DGLUCY: variants seen among roughly 807,000 people sequenced by gnomAD.
The protein encoded by DGLUCY is D-glutamate cyclase, mitochondrial.
In DGLUCY, 58 loss-of-function variants were observed where a neutral mutation model predicts 58.5. The observed-to-expected ratio is 0.99, with a 90% CI of 0.80 to 1.23. The LOEUF (loss-of-function observed/expected upper bound fraction) is 1.23, where lower values mean the gene tolerates loss of function less well. Among genes scored for constraint, DGLUCY ranks in the 50% most tolerant of loss-of-function variants. The probability of loss-of-function intolerance (pLI) is 0.00; values close to 1 mark genes in which losing one functional copy is unlikely to be tolerated. For synonymous variants in DGLUCY, 325 were observed against 314.1 expected (o/e 1.03, Z -0.37); for missense variants, 779 against 784.7 (o/e 0.99, Z 0.09).
chr14:91,094,457 G>T (rs1014308373), intron 1 of DGLUCY, among the ~76,000 whole-genome samples: 9 of 150,460 alleles, frequency 6.0e-5, no homozygotes, highest in Non-Finnish European at 1.2e-4. Flanking sequence ...AGCAACTACA[G>T]CCCATGTGGA....
intron 12 of DGLUCY, among the ~76,000 whole-genome samples, chr14:91,213,294 G>T (rs993780088): frequency 6.6e-6 from 1 of 152,048 alleles, no homozygotes; most frequent in African/African-American, 2.4e-5. Flanking sequence ...ACTAAGCCAG[G>T]CGTGTTGGCA....
intron 13 of DGLUCY, among the ~76,000 whole-genome samples, chr14:91,223,276 C>T (rs146667693): frequency 2.0e-5 from 3 of 152,284 alleles, no homozygotes; most frequent in African/African-American, 4.8e-5. Flanking sequence ...CCACTGTATC[C>T]CTGGTTCAGG....
chr14:91,103,837 C>T (rs1029183382), upstream of DGLUCY, among the ~76,000 whole-genome samples: 6 of 151,528 alleles, frequency 4.0e-5, no homozygotes, highest in Non-Finnish European at 8.8e-5. Flanking sequence ...CATATATATA[C>T]ACACACATAC....
intron 2 of DGLUCY, chr14:91,158,831 C>CT (rs1304125904): frequency 0.035 from 4,892 of 138,288 alleles, 90 homozygotes; most frequent in Non-Finnish European, 0.04. Context: ...TAAAACCTAT[C>CT]TTTTTTTTTT....
intron 6 of DGLUCY, chr14:91,175,685 C>T (rs942456794): frequency 4.2e-5 from 16 of 384,612 alleles, no homozygotes; most frequent in Admixed American, 1.1e-4. Context: ...AAGGATCCTT[C>T]CAGAAATCAC....
At chr14:91,084,133 C>G (rs1252899933) in intron 1 of DGLUCY, among the ~76,000 whole-genome samples, 1 of 151,790 alleles carries the variant, frequency 6.6e-6, no homozygotes, top group Admixed American at 6.6e-5. Context: ...GGGCCAAGGC[C>G]TGAGCTCCTG....
chr14:91,166,442 A>G (rs2048286302), intron 3 of DGLUCY, among the ~76,000 whole-genome samples: 2 of 152,140 alleles, frequency 1.3e-5, no homozygotes, highest in African/African-American at 2.4e-5. Flanking sequence ...AGACAGGCAG[A>G]TCACTTGAGC....
intron 1 of DGLUCY, among the ~76,000 whole-genome samples, chr14:91,098,932 T>G (rs1399280563): frequency 1.3e-5 from 2 of 152,152 alleles, no homozygotes; most frequent in African/African-American, 4.8e-5. Context: ...TAGTGGAAAA[T>G]AATGGAATAA....
chr14:91,181,505 A>G (rs985181650), intron 8 of DGLUCY, 116 bp downstream of exon 8: 5 of 1,038,310 alleles, frequency 4.8e-6, no homozygotes, highest in East Asian at 2.4e-5. Context: ...CCACAGGATG[A>G]TTTTTTAAAT....
At chr14:91,095,914 C>G (rs1267484107) in intron 1 of DGLUCY, among the ~76,000 whole-genome samples, 1 of 152,194 alleles carries the variant, frequency 6.6e-6, no homozygotes, top group Admixed American at 6.6e-5. Context: ...AGTCCAGCCC[C>G]TGCTTTCCAA....
chr14:91,208,190 C>T (rs765427739), intron 12 of DGLUCY, among the ~76,000 whole-genome samples: 14 of 152,138 alleles, frequency 9.2e-5, no homozygotes, highest in Non-Finnish European at 2.1e-4. Flanking sequence ...GAATTTGTTG[C>T]CACAACTGCC....
intron 1 of DGLUCY, among the ~76,000 whole-genome samples, chr14:91,102,373 T>A (rs2044502454): frequency 6.6e-6 from 1 of 152,170 alleles, no homozygotes; most frequent in Non-Finnish European, 1.5e-5. Context: ...TTTTGTCTCA[T>A]GTCCAATAGT....
chr14:91,223,813 C>A, intron 13 of DGLUCY: 1 of 821,810 alleles, frequency 1.2e-6, no homozygotes, highest in South Asian at 1.6e-5. Flanking sequence ...ATCCTCAGAA[C>A]AACCCTCTAA....
chr14:91,070,526 T>TA (rs892564717), intron 1 of DGLUCY, among the ~76,000 whole-genome samples: 10 of 151,092 alleles, frequency 6.6e-5, no homozygotes, highest in African/African-American at 1.7e-4. Flanking sequence ...CTTTTTAAAA[T>TA]AAAAAAAATA....
chr14:91,157,091 A>G (rs1459403761), intron 1 of DGLUCY, among the ~76,000 whole-genome samples: 1,960 of 143,696 alleles, frequency 0.014, 23 homozygotes, highest in Middle Eastern at 0.024. Flanking sequence ...GGATGGATGG[A>G]TGAATGGGTG....
chr14:91,156,127 T>TG (rs1176619071), intron 1 of DGLUCY, among the ~76,000 whole-genome samples: 1 of 151,944 alleles, frequency 6.6e-6, no homozygotes, highest in South Asian at 2.1e-4. Flanking sequence ...TTTTTTTTTT[T>TG]TTTTGAGATG....
chr14:91,071,417 G>A (rs1264446894), intron 1 of DGLUCY, among the ~76,000 whole-genome samples: 2 of 147,572 alleles, frequency 1.4e-5, no homozygotes, highest in African/African-American at 5.0e-5. Context: ...CCACATTCTT[G>A]AAAAAAAAGT....
At chr14:91,195,384 A>G (rs763612536) in intron 9 of DGLUCY, among the ~76,000 whole-genome samples, 1 of 152,132 alleles carries the variant, frequency 6.6e-6, no homozygotes, top group Non-Finnish European at 1.5e-5. Context: ...TCTTTTTGTC[A>G]TTAGAAAAGG....
intron 5 of DGLUCY, among the ~76,000 whole-genome samples, chr14:91,170,974 CA>C (rs1024170203): frequency 3.9e-5 from 6 of 152,192 alleles, no homozygotes; most frequent in African/African-American, 1.4e-4. Flanking sequence ...TGATCAGCAA[CA>C]AAGCTGCCCA....
Sources: allele counts gnomAD v4.1 joint callset (sites outside exome capture counted in the v4.1 genomes callset), GRCh38; gene constraint gnomAD v4.1.1; transcripts MANE v1.5; gene names NCBI Gene and HGNC (gene_info 2026-07-23, HGNC 2026-07-21).